LCLAT1: variants seen among roughly 807,000 people sequenced by gnomAD.
The protein encoded by LCLAT1 is lysocardiolipin acyltransferase 1, also known as 1-AGP acyltransferase 8.
A neutral mutation model predicts 30.7 loss-of-function variants in LCLAT1; 11 were observed. The observed-to-expected ratio is 0.36, with a 90% confidence interval of 0.23 to 0.59. The LOEUF (loss-of-function observed/expected upper bound fraction) is 0.59. LCLAT1 is among the 20% of genes least tolerant of loss of function. LCLAT1 has a pLI of 0.77. For synonymous variants in LCLAT1, 155 were observed against 151.3 expected, an observed-to-expected ratio of 1.02 and a Z score of -0.18; for missense variants, 402 against 458.6, an observed-to-expected ratio of 0.88 and a Z score of 1.13.
intron 3 of LCLAT1, among the ~76,000 whole-genome samples, chr2:30,542,079 CTG>C (rs1363557508): frequency 2.6e-5 from 4 of 152,084 alleles, no homozygotes; most frequent in African/African-American, 7.2e-5. Flanking sequence ...TCTTCTCTAA[CTG>C]TTGCTCTATA....
intron 5 of LCLAT1, among the ~76,000 whole-genome samples, chr2:30,572,640 G>A (rs1455519434): frequency 6.6e-6 from 1 of 151,982 alleles, no homozygotes; most frequent in Non-Finnish European, 1.5e-5. Flanking sequence ...TTTGATTCCA[G>A]TGCTCATGTT....
chr2:30,463,670 G>C (rs1436685527), intron 1 of LCLAT1, among the ~76,000 whole-genome samples: 1 of 152,094 alleles, frequency 6.6e-6, no homozygotes, highest in East Asian at 1.9e-4. Context: ...GTAATTTAGA[G>C]ATAAAGTATT....
chr2:30,449,740 T>C (rs1681456152), intron 1 of LCLAT1, among the ~76,000 whole-genome samples: 1 of 152,198 alleles, frequency 6.6e-6, no homozygotes, highest in Non-Finnish European at 1.5e-5. Context: ...CCTCAGGTGA[T>C]CCGCCTGCCT....
At chr2:30,562,020 T>C in intron 3 of LCLAT1, 126 bp from the exon 4 acceptor site, 1 of 540,638 alleles carries the variant, frequency 1.8e-6, no homozygotes, top group Non-Finnish European at 3.1e-6. Flanking sequence ...ATTTATGCTA[T>C]ATCATGAAAT....
intron 1 of LCLAT1, among the ~76,000 whole-genome samples, chr2:30,452,743 C>T (rs1196661123): frequency 6.6e-6 from 1 of 152,152 alleles, no homozygotes; most frequent in African/African-American, 2.4e-5. Flanking sequence ...ATGAGGACTG[C>T]TGTAATTCCT....
intron 5 of LCLAT1, among the ~76,000 whole-genome samples, chr2:30,631,202 G>A (rs1484084019): frequency 6.6e-6 from 1 of 152,172 alleles, no homozygotes; most frequent in African/African-American, 2.4e-5. Flanking sequence ...CCTCTATGGT[G>A]TCAGCTGTAT....
intron 2 of LCLAT1, among the ~76,000 whole-genome samples, chr2:30,531,410 G>A (rs746009699): frequency 6.6e-5 from 10 of 152,112 alleles, no homozygotes; most frequent in Non-Finnish European, 5.9e-5. Flanking sequence ...TTAGTTGAGC[G>A]GTTATGGACC....
rs1405432416 is a variant in LCLAT1 at position 30,642,578 on chromosome 2, A to T, written c.*1959A>T. 2 of 151,986 alleles carry T rather than the reference A, an allele frequency of 1.3e-5. No individual in the cohort carries two copies. The highest frequency in any genetic ancestry group is 2.4e-5 in the African/African-American group (1 of 41,380). 9.4% of individuals were successfully genotyped at this position (151,986 alleles called of 1,614,324 possible). On this transcript the variant is annotated 3_prime_UTR_variant, in exon 6 of 6. Transcript: ENST00000379509. ...GAGGAGAGCTGTGCTTTCTACCCCA[A>T]AGTTGTTGGTAATGGAGCCGGTCTG...
chr2:30,530,150 T>TTAC (rs2148391831), intron 2 of LCLAT1, among the ~76,000 whole-genome samples: 1 of 152,378 alleles, frequency 6.6e-6, no homozygotes, highest in South Asian at 2.1e-4. Context: ...ATCAGAATTG[T>TTAC]TACTCTTCAA....
chr2:30,549,509 G>C (rs1035695535), intron 3 of LCLAT1, among the ~76,000 whole-genome samples: 2 of 152,094 alleles, frequency 1.3e-5, no homozygotes, highest in South Asian at 2.1e-4. Context: ...GGAGCTTTAG[G>C]GTTTTGAATC....
At chr2:30,640,069 C>A in intron 5 of LCLAT1, 48 bp from the exon 6 acceptor site, 1 of 1,479,952 alleles carries the variant, frequency 6.8e-7, no homozygotes, top group East Asian at 2.3e-5. Context: ...GCATTATCAC[C>A]CAAATTGAGC....
intron 1 of LCLAT1, among the ~76,000 whole-genome samples, chr2:30,505,801 T>G (rs970838286): frequency 9.2e-5 from 14 of 152,214 alleles, no homozygotes; most frequent in Admixed American, 7.9e-4. Flanking sequence ...ACTTGGCTTC[T>G]ATGTATTATC....
chr2:30,482,777 TAA>T (rs571789425), intron 1 of LCLAT1, among the ~76,000 whole-genome samples: 8 of 136,972 alleles, frequency 5.8e-5, no homozygotes, highest in African/African-American at 5.4e-5. Flanking sequence ...CTGTCCCTAT[TAA>T]AAAAAAAAAA....
intron 2 of LCLAT1, among the ~76,000 whole-genome samples, chr2:30,531,244 G>A (rs979573399): frequency 3.9e-5 from 6 of 152,070 alleles, no homozygotes; most frequent in Admixed American, 1.3e-4. Context: ...CAGCCTGGGC[G>A]ACAGAGTGAG....
At chr2:30,515,528 TAGTG>T (rs1022895380) in intron 1 of LCLAT1, among the ~76,000 whole-genome samples, 29 of 152,310 alleles carry the variant, frequency 1.9e-4, no homozygotes, top group Admixed American at 3.3e-4. Flanking sequence ...ACACAGTTAT[TAGTG>T]AGGTTATTAA....
At chr2:30,581,398 A>T (rs910202685) in intron 5 of LCLAT1, among the ~76,000 whole-genome samples, 3 of 152,064 alleles carry the variant, frequency 2.0e-5, no homozygotes, top group African/African-American at 7.2e-5. Flanking sequence ...CCATCTTAAG[A>T]CTCACACAGT....
chr2:30,568,864 CA>C (rs61325694), intron 5 of LCLAT1, among the ~76,000 whole-genome samples: 7,478 of 88,964 alleles, frequency 0.084, 296 homozygotes, highest in African/African-American at 0.19. Context: ...TCATGAATAG[CA>C]AAAAAAAAAA....
intron 2 of LCLAT1, among the ~76,000 whole-genome samples, chr2:30,530,609 A>G (rs180999547): frequency 6.6e-5 from 10 of 152,266 alleles, no homozygotes; most frequent in African/African-American, 2.2e-4. Context: ...GTAGTGGTGC[A>G]GTCAGATCTC....
intron 5 of LCLAT1, among the ~76,000 whole-genome samples, chr2:30,596,390 C>T (rs1294554815): frequency 3.3e-5 from 5 of 151,958 alleles, no homozygotes; most frequent in Non-Finnish European, 7.4e-5. Context: ...CTCTGATGAT[C>T]AGTGATGTTG....
Sources: allele counts gnomAD v4.1 joint callset (sites outside exome capture counted in the v4.1 genomes callset), GRCh38; gene constraint gnomAD v4.1.1; transcripts MANE v1.5; gene names NCBI Gene and HGNC (gene_info 2026-07-23, HGNC 2026-07-21).